SRSF3: variants seen among roughly 807,000 people sequenced by gnomAD.
The protein encoded by SRSF3 is serine and arginine rich splicing factor 3.
For missense variants in SRSF3, 58 were observed against 217.1 expected, an observed-to-expected ratio of 0.27 and a Z score of 4.61; for synonymous variants, 87 against 73.6, an observed-to-expected ratio of 1.18 and a Z score of -0.93.
At chr6:36,596,529 G>A (rs1290430288) in intron 1 of SRSF3, among the ~76,000 whole-genome samples, 1 of 144,430 alleles carries the variant, frequency 6.9e-6, no homozygotes, top group South Asian at 2.2e-4. Context: ...TTCACTAATT[G>A]CTGGCTTCCT....
rs550995847 is a variant in SRSF3 at position 36,600,496 on chromosome 6, T to A, written c.342-656T>A. 206 of 169,432 alleles carry A rather than the reference T, an allele frequency of 1.2e-3. 1 individual carries two copies. Among genetic ancestry groups the A allele is most frequent in the South Asian group, 2.3e-3 (12 of 5,172 alleles). 10.5% of individuals were successfully genotyped at this position (169,432 alleles called of 1,614,324 possible). A position where few individuals can be genotyped will look rare whatever the true frequency, so the allele number is the denominator to read the frequency against. ...TGTGCAAGATGCCAAACTAAAAATTTTAATATCTCTAACAGATTAGCTTTT... is the reference window on the plus strand; with the variant it reads ...TGTGCAAGATGCCAAACTAAAAATTATAATATCTCTAACAGATTAGCTTTT... On this transcript the variant is annotated intron_variant, in intron 3 of 5. Coordinates refer to ENST00000373715, the MANE Select transcript of SRSF3 (RefSeq NM_003017.5).
Position 36,604,188 on chromosome 6 carries a change from TGAAAG to T in SRSF3, c.*2203_*2207del, listed in dbSNP as rs759863837. 16 of 221,580 alleles carry T rather than the reference TGAAAG, an allele frequency of 7.2e-5. No individual in the cohort carries two copies. The highest frequency in any genetic ancestry group is 1.4e-4 in the Non-Finnish European group (15 of 110,832). The allele number at this position is 221,580 out of a possible 1,614,324, so 13.7% of individuals were successfully genotyped here. On this transcript the variant is annotated 3_prime_UTR_variant, in exon 6 of 6. Coordinates refer to ENST00000373715, the MANE Select transcript of SRSF3 (RefSeq NM_003017.5). ...CCATATTCAGGGTTGAGTGTAAAAATGAAAGGAATCACAAAACTGAACTTAGACCT... is the reference window on the plus strand; with the variant it reads ...CCATATTCAGGGTTGAGTGTAAAAATGAATCACAAAACTGAACTTAGACCT...
rs1247034165 is a variant in SRSF3, at chr6:36,605,585, A to G, written c.*3596A>G. 2 of 152,136 alleles carry G rather than the reference A, an allele frequency of 1.3e-5. No homozygotes were observed. The allele number at this position is 152,136 out of a possible 1,614,324, so 9.4% of individuals were successfully genotyped here. A position where few individuals can be genotyped will look rare whatever the true frequency, so the allele number is the denominator to read the frequency against. ...TGTTGGACTCTGTACTTAATAATACAGTATTTAGATTCTCATTTAGTATCC... is the reference window on the plus strand; with the variant it reads ...TGTTGGACTCTGTACTTAATAATACGGTATTTAGATTCTCATTTAGTATCC... On this transcript the variant is annotated 3_prime_UTR_variant, in exon 6 of 6. Coordinates refer to ENST00000373715, the MANE Select transcript of SRSF3 (RefSeq NM_003017.5).
At position 36,602,447 on chromosome 6, in the gene SRSF3, A is replaced by G. The variant is rs2127506954; in HGVS notation, c.*458A>G. ...GCTGTGAAACACAGGCCATCAGGGA[A>G]AACGAAATGCTGCACTATTAAATTA... On this transcript the variant is annotated 3_prime_UTR_variant, in exon 6 of 6. Coordinates refer to ENST00000373715, the MANE Select transcript of SRSF3 (RefSeq NM_003017.5). 1 of 229,054 alleles carries G rather than the reference A, an allele frequency of 4.4e-6. No homozygotes were observed. The highest frequency in any genetic ancestry group is 6.4e-5 in the East Asian group (1 of 15,720). 14.2% of individuals were successfully genotyped at this position (229,054 alleles called of 1,614,324 possible).
In SRSF3 at chr6:36,598,989, T is replaced by TG; in HGVS notation, c.341+7dup. On this transcript the variant is annotated splice_region_variant and intron_variant, in intron 3 of 5. Coordinates refer to ENST00000373715, the MANE Select transcript of SRSF3 (RefSeq NM_003017.5). ...AGTCCTCCACCTCGTCGCAGGTACT[T>TG]GAGAGAAAGCTTGTTAAGAGGTATT... 1 of 1,613,984 alleles carries TG rather than the reference T, an allele frequency of 6.2e-7. No homozygotes were observed. Among genetic ancestry groups the TG allele is most frequent in the Middle Eastern group, 1.7e-4 (1 of 6,056 alleles).
Position 36,596,942 on chromosome 6 carries a change from T to A in SRSF3, c.180T>A (p.Ala60=). The A allele has an allele frequency of 6.2e-7, 1 of 1,614,084 alleles. No individual in the cohort carries two copies. The highest frequency in any genetic ancestry group is 8.5e-7 in the Non-Finnish European group (1 of 1,180,012). ...AATTTGAAGATCCCCGAGATGCAGCTGATGCAGTCCGAGAGCTAGATGGAA... is the reference window on the plus strand; with the variant it reads ...AATTTGAAGATCCCCGAGATGCAGCAGATGCAGTCCGAGAGCTAGATGGAA... ...FVEFEDPRDA[A]DAVRELDGRT... The change falls in exon 2 of 6, where the codon GCT becomes GCA. Residue 60 remains alanine (A), a synonymous_variant. Coordinates refer to ENST00000373715, the MANE Select transcript of SRSF3 (RefSeq NM_003017.5).
intron 4 of SRSF3, 105 bp from the exon 5 acceptor site, chr6:36,601,603 C>G: frequency 8.7e-7 from 1 of 1,149,090 alleles, no homozygotes; most frequent in Non-Finnish European, 1.3e-6. Flanking sequence ...CTCTGCCTCC[C>G]AAAATATTGG....
chr6:36,597,129 CG>C lies in SRSF3; in HGVS notation c.206+162del, dbSNP rs999249573. On this transcript the variant is annotated intron_variant, in intron 2 of 5. Transcript: ENST00000373715. ...TTTTTTTTTTTTTTTGGTGGGGAGA[CG>C]AGTCTTGCACTGTCACTGGGCTGGA... 21 of 625,902 alleles carry C rather than the reference CG, an allele frequency of 3.4e-5. No individual in the cohort carries two copies. The African/African-American group carries it at 4.8e-4, about 14-fold the overall frequency. The allele number at this position is 625,902 out of a possible 1,614,324, so 38.8% of individuals were successfully genotyped here.
chr6:36,599,311 C>G, intron 3 of SRSF3: 1 of 256,986 alleles, frequency 3.9e-6, no homozygotes, highest in South Asian at 6.2e-5. Flanking sequence ...ACATTACATT[C>G]AACTCTAGCT....
At chr6:36,601,529 AGATGG>A in intron 4 of SRSF3, 174 bp from the exon 5 acceptor site, 2 of 619,664 alleles carry the variant, frequency 3.2e-6, no homozygotes, top group Non-Finnish European at 5.6e-6. Flanking sequence ...TTTTTTGTGG[AGATGG>A]GATCTCACTT....
In SRSF3 at chr6:36,602,262, A is replaced by C. The variant is rs149758486; in HGVS notation, c.*273A>C. The C allele has an allele frequency of 2.1e-6, 1 of 481,710 alleles. No individual in the cohort carries two copies. The highest frequency in any genetic ancestry group is 3.4e-6 in the Non-Finnish European group (1 of 292,262). The allele number at this position is 481,710 out of a possible 1,614,324, so 29.8% of individuals were successfully genotyped here. A position where few individuals can be genotyped will look rare whatever the true frequency, so the allele number is the denominator to read the frequency against. ...ATTTGCTTTGAACTTTTAGTTATGC[A>C]CAGACTGATAATAAACCTCTAAACC... is the stretch of plus-strand genomic sequence containing the variant. On this transcript the variant is annotated 3_prime_UTR_variant, in exon 6 of 6. Transcript: ENST00000373715.
Position 36,603,735 on chromosome 6 carries a change from ACCTGTT to A in SRSF3, c.*1753_*1758del. On this transcript the variant is annotated 3_prime_UTR_variant, in exon 6 of 6. Transcript: ENST00000373715. ...CTTTAGTATTCTCACATAGCCTACAACCTGTTCCTGTTAGGAACAAGCCAAGATAGC... is the reference window on the plus strand; with the variant it reads ...CTTTAGTATTCTCACATAGCCTACAACCTGTTAGGAACAAGCCAAGATAGC... 1 of 230,910 alleles carries A rather than the reference ACCTGTT, an allele frequency of 4.3e-6. No homozygotes were observed. The highest frequency in any genetic ancestry group is 8.6e-6 in the Non-Finnish European group (1 of 116,666). The allele number at this position is 230,910 out of a possible 1,614,324, so 14.3% of individuals were successfully genotyped here. A position where few individuals can be genotyped will look rare whatever the true frequency, so the allele number is the denominator to read the frequency against.
At chr6:36,601,346 C>T (rs751976782) in intron 4 of SRSF3, 156 bp downstream of exon 4, 1 of 720,528 alleles carries the variant, frequency 1.4e-6, no homozygotes, top group South Asian at 2.0e-5. Context: ...TTTTCAAAGG[C>T]TTTTTAGAAA....
rs917717885 is a variant in SRSF3 at position 36,603,022 on chromosome 6, A to T, written c.*1033A>T. The T allele has an allele frequency of 9.1e-6, 2 of 220,048 alleles. No homozygotes were observed. The highest frequency in any genetic ancestry group is 6.7e-5 in the East Asian group (1 of 14,896). The allele number at this position is 220,048 out of a possible 1,614,324, so 13.6% of individuals were successfully genotyped here. On this transcript the variant is annotated 3_prime_UTR_variant, in exon 6 of 6. Transcript: ENST00000373715. The stretch of plus-strand genomic sequence containing the variant: ...AAGAAACAGCTGAGAGGCACTATGG[A>T]TTAGTCTTCTGAAGTGAAGGAAATA...
intron 3 of SRSF3, among the ~76,000 whole-genome samples, chr6:36,599,189 TA>T (rs1212714709): frequency 1.3e-5 from 2 of 152,232 alleles, no homozygotes; most frequent in Admixed American, 6.5e-5. Flanking sequence ...TGGTAGTCAG[TA>T]ACTTCTATCT....
chr6:36,600,047 G>T, intron 3 of SRSF3: 1 of 1,236,372 alleles, frequency 8.1e-7, no homozygotes, highest in Non-Finnish European at 1.0e-6. Flanking sequence ...CACCTCGACC[G>T]CCCACACATT....
chr6:36,605,017 G>GT lies in SRSF3; in HGVS notation c.*3030dup, dbSNP rs1400567364. ...TCCATCTTTTCGAGAAAGATTTCTA[G>GT]TTAAAGTTACTGAAGAAAAACTGGG... is the stretch of plus-strand genomic sequence containing the variant. On this transcript the variant is annotated 3_prime_UTR_variant, in exon 6 of 6. Coordinates refer to ENST00000373715, the MANE Select transcript of SRSF3 (RefSeq NM_003017.5). 1 of 152,140 alleles carries GT rather than the reference G, an allele frequency of 6.6e-6. No individual in the cohort carries two copies. The highest frequency in any genetic ancestry group is 2.4e-5 in the African/African-American group (1 of 41,422). 9.4% of individuals were successfully genotyped at this position (152,140 alleles called of 1,614,324 possible).
chr6:36,602,084 T>G lies in SRSF3; in HGVS notation c.*95T>G. 6.5e-7 allele frequency: 1 copy of G among 1,544,206 alleles called. No individual in the cohort carries two copies. Among genetic ancestry groups the G allele is most frequent in the South Asian group, 1.3e-5 (1 of 79,466 alleles). On this transcript the variant is annotated 3_prime_UTR_variant, in exon 6 of 6. Coordinates refer to ENST00000373715, the MANE Select transcript of SRSF3 (RefSeq NM_003017.5). ...AAGTTTTGTTTGAGACTTCATAAGC[T>G]TGGTGCATTTTTAAGATGTTTTAGC...
rs146414804 is a variant in SRSF3 at position 36,596,686 on chromosome 6, A to G, written c.-2-75A>G. On this transcript the variant is annotated intron_variant, in intron 1 of 5. Transcript: ENST00000373715. Reference sequence around the variant, plus strand: ...TAAACTCTCTTGTCCTCTCTAATGGAGTTCTTTCTAAGGATCTGTGGTTTT... The same window carrying G: ...TAAACTCTCTTGTCCTCTCTAATGGGGTTCTTTCTAAGGATCTGTGGTTTT... 1.1e-3 allele frequency: 1,443 copies of G among 1,324,106 alleles called. 9 individuals carry two copies. The African/African-American group carries it at 0.019, about 17-fold the overall frequency. The allele number at this position is 1,324,106 out of a possible 1,614,324, so 82.0% of individuals were successfully genotyped here.
Sources: gnomAD v4.1 joint callset for allele counts (sites outside exome capture counted in the v4.1 genomes callset) on GRCh38, gnomAD v4.1.1 for gene constraint, MANE v1.5 for transcripts, NCBI Gene and HGNC (gene_info 2026-07-23, HGNC 2026-07-21) for gene names.